The following MAD1L1 variants were observed in gnomAD, a reference collection of about 807,000 sequenced individuals.
MAD1L1 encodes the protein mitotic spindle assembly checkpoint protein MAD1.
In MAD1L1, 95 loss-of-function variants were observed where a neutral mutation model predicts 96.9. The ratio of observed to expected loss-of-function variants is 0.98; its 90% CI spans 0.83 to 1.16. The LOEUF is 1.16. Ranked by LOEUF, MAD1L1 falls within the 50% of genes most tolerant of loss-of-function variation. The pLI, the probability that MAD1L1 is intolerant of heterozygous loss-of-function variation, is 0.00. For synonymous variants in MAD1L1, 473 were observed against 396.6 expected, an observed-to-expected ratio of 1.19 and a Z score of -2.29; for missense variants, 1,007 against 954.4, an observed-to-expected ratio of 1.06 and a Z score of -0.73.
intron 17 of MAD1L1, among the ~76,000 whole-genome samples, chr7:1,915,534 CG>C (rs1788329236): frequency 6.6e-6 from 1 of 152,204 alleles, no homozygotes; most frequent in African/African-American, 2.4e-5. Flanking sequence ...TGTTCCACGG[CG>C]GGCTGGAGGA....
At chr7:2,223,845 C>T (rs907502041) in intron 4 of MAD1L1, among the ~76,000 whole-genome samples, 1 of 17,198 alleles carries the variant, frequency 5.8e-5, no homozygotes, top group Non-Finnish European at 1.0e-4. Flanking sequence ...TTAAGTCTCG[C>T]CCCTAATAGG....
In MAD1L1 at chr7:1,832,640, G is replaced by C. The variant is rs1213333621; in HGVS notation, c.1999-16412C>G. On this transcript the variant is annotated intron_variant, in intron 18 of 18. Transcript: ENST00000265854. ...GTGTTTTTTTTTTTTTGGCGGGGGG[G>C]GGGGGGGTGGGGATGGAGTCGTGCT... Among the ~76,000 whole-genome samples, 16 of 60,476 alleles carry C rather than the reference G, an allele frequency of 2.6e-4. 1 individual carries two copies. Among genetic ancestry groups the C allele is most frequent in the Non-Finnish European group, 3.6e-4 (10 of 27,696 alleles). 39.7% of individuals were successfully genotyped at this position (60,476 alleles called of 152,430 possible).
chr7:2,211,150 G>T (rs556890083), intron 10 of MAD1L1, among the ~76,000 whole-genome samples: 5 of 152,204 alleles, frequency 3.3e-5, no homozygotes, highest in African/African-American at 1.2e-4. Flanking sequence ...GCTGGTGGTG[G>T]GCACAGGCAG....
intron 18 of MAD1L1, among the ~76,000 whole-genome samples, chr7:1,836,135 C>T (rs1175559400): frequency 6.6e-6 from 1 of 152,172 alleles, no homozygotes; most frequent in East Asian, 1.9e-4. Flanking sequence ...AATTCTCCTG[C>T]CTCAGCCTCC....
intron 14 of MAD1L1, among the ~76,000 whole-genome samples, chr7:1,981,543 G>A (rs1344333313): frequency 6.6e-6 from 1 of 152,122 alleles, no homozygotes; most frequent in Non-Finnish European, 1.5e-5. Flanking sequence ...GGTAAATCCT[G>A]CCCCTGGCCC....
At chr7:1,933,494 C>G (rs1789600114) in intron 17 of MAD1L1, among the ~76,000 whole-genome samples, 1 of 152,318 alleles carries the variant, frequency 6.6e-6, no homozygotes, top group East Asian at 1.9e-4. Flanking sequence ...TTGGGTCTGT[C>G]CAGGGACCTT....
At position 1,847,078 on chromosome 7, in the gene MAD1L1, A is replaced by G. The variant is rs932529304; in HGVS notation, c.1999-30850T>C. 8.5e-6 allele frequency: 3 copies of G among 353,556 alleles called. No homozygotes were observed. The Admixed American group carries it at 1.2e-4, about 14-fold the overall frequency. 21.9% of individuals were successfully genotyped at this position (353,556 alleles called of 1,614,324 possible). On this transcript the variant is annotated intron_variant, in intron 18 of 18. Coordinates refer to ENST00000265854, the MANE Select transcript of MAD1L1 (RefSeq NM_001013836.2). ...TGGCCCCAAGAATGGAATACAGATA[A>G]TCTGCTCACATCCATCAGGTATCTT...
chr7:2,216,579 A>C (rs1793294523), intron 7 of MAD1L1, among the ~76,000 whole-genome samples: 1 of 151,998 alleles, frequency 6.6e-6, no homozygotes, highest in Non-Finnish European at 1.5e-5. Flanking sequence ...ACACTGTCCC[A>C]CTCCAAGAGT....
At chr7:1,827,310 G>A (rs62434669) in intron 18 of MAD1L1, among the ~76,000 whole-genome samples, 23,486 of 152,230 alleles carry the variant, frequency 0.15, 2,128 homozygotes, top group South Asian at 0.28. Context: ...GGGACGCAGC[G>A]GGCAGGGAGG....
chr7:2,069,693 G>A (rs762958968), intron 11 of MAD1L1, among the ~76,000 whole-genome samples: 7 of 152,202 alleles, frequency 4.6e-5, no homozygotes, highest in Non-Finnish European at 1.0e-4. Flanking sequence ...GATGTGCAGC[G>A]TGGTGCGGGG....
intron 11 of MAD1L1, among the ~76,000 whole-genome samples, chr7:2,073,230 T>C (rs1321304483): frequency 1.3e-5 from 2 of 152,190 alleles, no homozygotes; most frequent in East Asian, 3.8e-4. Context: ...TACTCCTAGC[T>C]TTTAGAGTAC....
intron 18 of MAD1L1, among the ~76,000 whole-genome samples, chr7:1,867,080 C>T (rs532334192): frequency 5.6e-4 from 85 of 152,300 alleles, no homozygotes; most frequent in African/African-American, 2.0e-3. Context: ...GGGCTGAGGT[C>T]GGCTGCAGTA....
chr7:2,115,178 G>A (rs985177285), intron 11 of MAD1L1, among the ~76,000 whole-genome samples: 2 of 152,262 alleles, frequency 1.3e-5, no homozygotes, highest in African/African-American at 2.4e-5. Flanking sequence ...ACACCACGGG[G>A]CGCTGGCTCA....
intron 12 of MAD1L1, among the ~76,000 whole-genome samples, chr7:2,048,266 G>C (rs1784023497): frequency 6.6e-6 from 1 of 152,346 alleles, no homozygotes; most frequent in East Asian, 1.9e-4. Flanking sequence ...GGTGTAGAGG[G>C]ACTCGGAGAA....
Position 1,841,738 on chromosome 7 carries a change from G to A in MAD1L1, c.1999-25510C>T, listed in dbSNP as rs74352392. Among the ~76,000 whole-genome samples the A allele has an allele frequency of 1.5e-4, 23 of 152,364 alleles. No individual in the cohort carries two copies. In the East Asian group the frequency reaches 2.7e-3, roughly 18 times the overall value. Reference sequence around the variant, plus strand: ...CCTCGCGGGGCAGATGGTCTCGGCCGTCACTCTGCTGTCCCCGTCCTGGCT... The same window carrying A: ...CCTCGCGGGGCAGATGGTCTCGGCCATCACTCTGCTGTCCCCGTCCTGGCT... On this transcript the variant is annotated intron_variant, in intron 18 of 18. Coordinates refer to ENST00000265854, the MANE Select transcript of MAD1L1 (RefSeq NM_001013836.2).
chr7:1,977,226 G>A (rs2128482304), intron 15 of MAD1L1, among the ~76,000 whole-genome samples: 1 of 152,370 alleles, frequency 6.6e-6, no homozygotes, highest in African/African-American at 2.4e-5. Context: ...TGTGGGCTCA[G>A]GCATGGCGGG....
intron 15 of MAD1L1, among the ~76,000 whole-genome samples, chr7:1,974,401 G>C (rs992956466): frequency 3.3e-5 from 5 of 152,176 alleles, no homozygotes; most frequent in Admixed American, 3.3e-4. Context: ...ACAGAGAACA[G>C]GGTTCACTAG....
intron 15 of MAD1L1, among the ~76,000 whole-genome samples, chr7:1,960,132 T>C (rs1410881717): frequency 4.0e-5 from 6 of 151,860 alleles, no homozygotes; most frequent in Admixed American, 6.6e-5. Context: ...AAGTTAAAGA[T>C]GTATACTATA....
intron 12 of MAD1L1, among the ~76,000 whole-genome samples, chr7:2,053,453 C>T (rs562362174): frequency 2.3e-4 from 35 of 152,318 alleles, no homozygotes; most frequent in African/African-American, 7.5e-4. Flanking sequence ...TGCCAGCCGC[C>T]GGTGAACAAG....
Sources: gnomAD v4.1 joint callset for allele counts (sites outside exome capture counted in the v4.1 genomes callset) on GRCh38, gnomAD v4.1.1 for gene constraint, MANE v1.5 for transcripts, NCBI Gene and HGNC (gene_info 2026-07-23, HGNC 2026-07-21) for gene names.